Variants in LDB2 observed in about 807,000 individuals in gnomAD.
LDB2 encodes the protein LIM domain binding 2, also known as LIM domain-binding protein 2.
LDB2 carries 12 observed loss-of-function variants against 44.3 expected under a neutral mutation model. The ratio of observed to expected loss-of-function variants is 0.27; its 90% CI spans 0.17 to 0.44. LDB2 has a LOEUF of 0.44. Among genes scored for constraint, LDB2 ranks in the 20% least tolerant of loss-of-function variants. The probability of loss-of-function intolerance (pLI) is 1.00; values close to 1 mark genes in which losing one functional copy is unlikely to be tolerated. For synonymous variants in LDB2, 164 were observed against 174.8 expected, an observed-to-expected ratio of 0.94 and a Z score of 0.49; for missense variants, 344 against 473.5, an observed-to-expected ratio of 0.73 and a Z score of 2.54.
chr4:16,718,747 G>C (rs1234301591), intron 2 of LDB2, among the ~76,000 whole-genome samples: 1 of 152,098 alleles, frequency 6.6e-6, no homozygotes, highest in Non-Finnish European at 1.5e-5. Flanking sequence ...GTTTAACTTA[G>C]AGAAATCAGT....
At chr4:16,695,877 C>A (rs1482624199) in intron 2 of LDB2, among the ~76,000 whole-genome samples, 1 of 152,046 alleles carries the variant, frequency 6.6e-6, no homozygotes, top group Non-Finnish European at 1.5e-5. Flanking sequence ...GCCTGCAGAC[C>A]ATACACAAAC....
intron 2 of LDB2, among the ~76,000 whole-genome samples, chr4:16,634,296 C>CAAAAA (rs35227929): frequency 1.9e-5 from 2 of 105,468 alleles, no homozygotes; most frequent in Admixed American, 9.7e-5. Context: ...TTTGCACGGC[C>CAAAAA]AAAAAAAAAA....
chr4:16,618,124 A>G (rs1727840095), intron 2 of LDB2, among the ~76,000 whole-genome samples: 1 of 152,194 alleles, frequency 6.6e-6, no homozygotes, highest in Admixed American at 6.5e-5. Context: ...TGTCTATTAC[A>G]GCATTTTTCA....
intron 2 of LDB2, among the ~76,000 whole-genome samples, chr4:16,639,225 T>C (rs1366633850): frequency 4.6e-5 from 7 of 152,204 alleles, no homozygotes. Context: ...GAGAAAACAA[T>C]GGTTGCCCAA....
In LDB2 at chr4:16,712,571, GAA is replaced by G. The variant is rs1209798447; in HGVS notation, c.235+46585_235+46586del. Reference sequence around the variant, plus strand: ...TGTCTCAAAAAAAACAAAAAGAAAAGAAAAGAAATTTCTACAAACGGCCAAAA... The same window carrying G: ...TGTCTCAAAAAAAACAAAAAGAAAAGAAGAAATTTCTACAAACGGCCAAAA... On this transcript the variant is annotated intron_variant, in intron 2 of 7. Transcript: ENST00000304523. Among the ~76,000 whole-genome samples, 8 of 151,872 alleles carry G rather than the reference GAA, an allele frequency of 5.3e-5. No individual in the cohort carries two copies. In the East Asian group the frequency reaches 1.6e-3, roughly 29 times the overall value.
In LDB2 at chr4:16,794,590, A is replaced by G. The variant is rs1157109598; in HGVS notation, c.133-35330T>C. ...ACCTTCTCTGTACCTCAATCTCTTC[A>G]TTTTTCAAATGTAAATAATAGAAGT... On this transcript the variant is annotated intron_variant, in intron 1 of 7. Transcript: ENST00000304523. 2.6e-5 allele frequency among the ~76,000 whole-genome samples: 4 copies of G among 152,146 alleles called. No homozygotes were observed. The East Asian group carries it at 7.7e-4, about 29-fold the overall frequency.
intron 2 of LDB2, among the ~76,000 whole-genome samples, chr4:16,613,159 C>T (rs569678146): frequency 1.3e-5 from 2 of 152,348 alleles, no homozygotes; most frequent in East Asian, 3.9e-4. Context: ...TAAAATTCAA[C>T]ATCCCTTCAT....
At chr4:16,541,968 T>C (rs531914621) in intron 5 of LDB2, among the ~76,000 whole-genome samples, 241 of 152,202 alleles carry the variant, frequency 1.6e-3, no homozygotes, top group African/African-American at 5.3e-3. Flanking sequence ...TATGCCTCCT[T>C]CTTTTTTTAC....
intron 2 of LDB2, among the ~76,000 whole-genome samples, chr4:16,747,184 A>T (rs938965722): frequency 2.0e-5 from 3 of 152,222 alleles, no homozygotes; most frequent in African/African-American, 7.2e-5. Flanking sequence ...CGCTGGTCTG[A>T]CATTAGTTTA....
chr4:16,736,560 T>A (rs986171718), intron 2 of LDB2, among the ~76,000 whole-genome samples: 1 of 152,142 alleles, frequency 6.6e-6, no homozygotes, highest in Non-Finnish European at 1.5e-5. Context: ...ACATATTAAA[T>A]TTAGTACAGG....
At chr4:16,864,641 C>T (rs1264359162) in intron 1 of LDB2, among the ~76,000 whole-genome samples, 1 of 152,042 alleles carries the variant, frequency 6.6e-6, no homozygotes, top group African/African-American at 2.4e-5. Context: ...ATAGCCCATA[C>T]CGGTTGGGCG....
intron 1 of LDB2, among the ~76,000 whole-genome samples, chr4:16,771,653 G>A (rs1770720569): frequency 6.6e-6 from 1 of 152,086 alleles, no homozygotes; most frequent in Non-Finnish European, 1.5e-5. Context: ...CTTGATTCCT[G>A]TCTTACCCTA....
At chr4:16,739,602 A>ATG in intron 2 of LDB2, among the ~76,000 whole-genome samples, 1 of 86,750 alleles carries the variant, frequency 1.2e-5, no homozygotes, top group South Asian at 3.3e-4. Context: ...ATATATATAT[A>ATG]TATATATGTA....
In LDB2 at chr4:16,824,090, C is replaced by G. The variant is rs188601077; in HGVS notation, c.133-64830G>C. The stretch of plus-strand genomic sequence containing the variant: ...TTAGGAATAAAAGTACTGCTCAACA[C>G]GTAGAATGTAAGACACTACCATTCG... On this transcript the variant is annotated intron_variant, in intron 1 of 7. Transcript: ENST00000304523. Among the ~76,000 whole-genome samples, 5 of 152,340 alleles carry G rather than the reference C, an allele frequency of 3.3e-5. No homozygotes were observed. In the East Asian group the frequency reaches 9.6e-4, roughly 29 times the overall value.
At chr4:16,675,603 G>T (rs1746076352) in intron 2 of LDB2, among the ~76,000 whole-genome samples, 3 of 151,490 alleles carry the variant, frequency 2.0e-5, no homozygotes, top group Admixed American at 1.3e-4. Context: ...CCCTTAATTG[G>T]TTGCAAAAAT....
At chr4:16,761,052 C>T (rs151289248) in intron 1 of LDB2, among the ~76,000 whole-genome samples, 21 of 151,372 alleles carry the variant, frequency 1.4e-4, no homozygotes, top group African/African-American at 5.1e-4. Context: ...TTCTTGTACA[C>T]AGGGGCTTTG....
At chr4:16,566,902 C>G (rs1744723104) in intron 5 of LDB2, among the ~76,000 whole-genome samples, 2 of 152,032 alleles carry the variant, frequency 1.3e-5, no homozygotes, top group South Asian at 4.1e-4. Flanking sequence ...TAATAAATAT[C>G]TCCTGTCATA....
At chr4:16,691,940 C>T (rs1750867411) in intron 2 of LDB2, among the ~76,000 whole-genome samples, 1 of 152,122 alleles carries the variant, frequency 6.6e-6, no homozygotes, top group Non-Finnish European at 1.5e-5. Context: ...TCTCTGCAGG[C>T]TAATTACTGA....
intron 5 of LDB2, among the ~76,000 whole-genome samples, chr4:16,550,681 A>G (rs1017490741): frequency 6.6e-6 from 1 of 152,206 alleles, no homozygotes; most frequent in Non-Finnish European, 1.5e-5. Flanking sequence ...TGGGAGTGCA[A>G]ATTGGCACAA....
Sources: allele counts gnomAD v4.1 joint callset (sites outside exome capture counted in the v4.1 genomes callset), GRCh38; gene constraint gnomAD v4.1.1; transcripts MANE v1.5; gene names NCBI Gene and HGNC (gene_info 2026-07-23, HGNC 2026-07-21).